Variants in SLC43A2 observed in about 807,000 individuals in gnomAD.
The protein encoded by SLC43A2 is solute carrier family 43 member 2, also known as large neutral amino acids transporter small subunit 4.
In SLC43A2, 38 loss-of-function variants were observed where a neutral mutation model predicts 63.2. The ratio of observed to expected loss-of-function variants is 0.60; its 90% CI spans 0.46 to 0.79. SLC43A2 has a LOEUF of 0.79. Among genes scored for constraint, SLC43A2 ranks in the 30% least tolerant of loss-of-function variants. The pLI is 0.00. For synonymous variants in SLC43A2, 322 were observed against 331.0 expected (o/e 0.97, Z 0.30); for missense variants, 644 against 756.2 (o/e 0.85, Z 1.74).
chr17:1,594,822 T>C (rs1905154618), intron 5 of SLC43A2, among the ~76,000 whole-genome samples: 1 of 151,480 alleles, frequency 6.6e-6, no homozygotes. Flanking sequence ...TCTCCTGACC[T>C]CGTGATCCGC....
At chr17:1,599,781 A>G (rs1254081830) in intron 5 of SLC43A2, among the ~76,000 whole-genome samples, 1 of 151,864 alleles carries the variant, frequency 6.6e-6, no homozygotes, top group African/African-American at 2.4e-5. Context: ...GCGGTGGCTC[A>G]CGCCTGTAAT....
intron 9 of SLC43A2, chr17:1,586,825 C>T (rs920942414): frequency 1.0e-6 from 1 of 993,704 alleles, no homozygotes; most frequent in East Asian, 3.0e-5. Flanking sequence ...CCCAGTTTTA[C>T]CCCCACGGCT....
intron 1 of SLC43A2, chr17:1,628,298 G>C (rs1169347339): frequency 2.5e-5 from 4 of 158,972 alleles, no homozygotes; most frequent in Non-Finnish European, 4.1e-5. Flanking sequence ...AGCGTGAGGT[G>C]GGCAGGGGCA....
rs2075966551 is a variant in SLC43A2 at position 1,578,494 on chromosome 17, G to A, written c.1351-171C>T. 4 of 555,866 alleles carry A rather than the reference G, an allele frequency of 7.2e-6. No homozygotes were observed. Among genetic ancestry groups the A allele is most frequent in the South Asian group, 2.4e-5 (1 of 41,696 alleles). 34.4% of individuals were successfully genotyped at this position (555,866 alleles called of 1,614,324 possible). On this transcript the variant is annotated intron_variant, in intron 11 of 13. Transcript: ENST00000301335. The surrounding 1 kb of genome is among the most constrained non-coding windows in gnomAD (Gnocchi z 6.5). ...TTTTCAGAAATTTTGCAAGCCAGTC[G>A]TTAACACAGTCATTTTTTGTTTGTT... is the stretch of plus-strand genomic sequence containing the variant.
chr17:1,593,418 CA>C lies in SLC43A2; in HGVS notation c.502-140del. On this transcript the variant is annotated intron_variant, in intron 5 of 13. Transcript: ENST00000301335. This position sits in a 1 kb window ranked among gnomAD's most constrained non-coding sequence, Gnocchi z 5.3. ...TGTGTGACTCACAGGGGCATTAGTTCAGGGGCAATGACCGCTCACTGAAGGT... is the reference window on the plus strand; with the variant it reads ...TGTGTGACTCACAGGGGCATTAGTTCGGGGCAATGACCGCTCACTGAAGGT... 1.3e-6 allele frequency: 1 copy of C among 749,784 alleles called. No homozygotes were observed. Among genetic ancestry groups the C allele is most frequent in the Non-Finnish European group, 2.3e-6 (1 of 440,504 alleles). 46.4% of individuals were successfully genotyped at this position (749,784 alleles called of 1,614,324 possible).
rs2076041760 is a variant in SLC43A2 at position 1,582,910 on chromosome 17, CT to C, written c.1350+293del. Among the ~76,000 whole-genome samples the C allele has an allele frequency of 3.3e-5, 5 of 152,284 alleles. No individual in the cohort carries two copies. In the East Asian group the frequency reaches 9.7e-4, roughly 29 times the overall value. On this transcript the variant is annotated intron_variant, in intron 11 of 13. Coordinates refer to ENST00000301335, the MANE Select transcript of SLC43A2 (RefSeq NM_152346.3). ...CCTGGCCAACATGGCAAAACCCCAT[CT>C]CTACTGAAAATACAAAAATTAGCTG...
Position 1,611,713 on chromosome 17 carries a change from CACG to C in SLC43A2, c.501+1479_501+1481del, listed in dbSNP as rs1298854858. Among the ~76,000 whole-genome samples the C allele has an allele frequency of 7.9e-5, 12 of 152,168 alleles. No homozygotes were observed. In the East Asian group the frequency reaches 2.1e-3, roughly 27 times the overall value. On this transcript the variant is annotated intron_variant, in intron 5 of 13. Transcript: ENST00000301335. ...AAGCTAAACAAGAACCCTTCAATGGCACGACAAGGGAAATCAGAAACCAGAGTG... is the reference window on the plus strand; with the variant it reads ...AAGCTAAACAAGAACCCTTCAATGGCACAAGGGAAATCAGAAACCAGAGTG...
At chr17:1,603,631 A>G in intron 5 of SLC43A2, among the ~76,000 whole-genome samples, 1 of 152,012 alleles carries the variant, frequency 6.6e-6, no homozygotes. Flanking sequence ...TAAAAATACA[A>G]AAAATTAGCC....
rs183174997 is a variant in SLC43A2, at chr17:1,593,390, T to A, written c.502-111A>T. On this transcript the variant is annotated intron_variant, in intron 5 of 13. Coordinates refer to ENST00000301335, the MANE Select transcript of SLC43A2 (RefSeq NM_152346.3). This position sits in a 1 kb window ranked among gnomAD's most constrained non-coding sequence, Gnocchi z 5.3. Reference sequence around the variant, plus strand: ...AGGCCCCTTCTTCACCTGCGCCCCTTCCTGTGTGACTCACAGGGGCATTAG... The same window carrying A: ...AGGCCCCTTCTTCACCTGCGCCCCTACCTGTGTGACTCACAGGGGCATTAG... 9.5e-6 allele frequency: 9 copies of A among 944,620 alleles called. No homozygotes were observed. The highest frequency in any genetic ancestry group is 2.8e-4 in the Middle Eastern group (1 of 3,540). 58.5% of individuals were successfully genotyped at this position (944,620 alleles called of 1,614,324 possible).
rs770403432 is a variant in SLC43A2 at position 1,585,956 on chromosome 17, A to G, written c.1174T>C (p.Cys392Arg). 2.5e-6 allele frequency: 4 copies of G among 1,612,968 alleles called. No individual in the cohort carries two copies. In the African/African-American group the frequency reaches 4.0e-5, roughly 16 times the overall value. ...TCGGGCTCCTCGGAGGCGTCTTCAC[A>G]CTCCTTCAGCCTCCAGTCCATGATG... is the stretch of plus-strand genomic sequence containing the variant. ...GYIMDWRLKE[C>R]EDASEEPEEK... Residue 392 changes from cysteine (C) to arginine (R), a missense_variant, in exon 10 of 14, where the codon TGT (cysteine) becomes CGT (arginine). Transcript: ENST00000301335.
At chr17:1,611,798 G>C (rs375281203) in intron 5 of SLC43A2, among the ~76,000 whole-genome samples, 2 of 152,120 alleles carry the variant, frequency 1.3e-5, no homozygotes, top group East Asian at 3.8e-4. Context: ...CCGGTAAACT[G>C]ATGCAGGCGA....
At chr17:1,594,657 G>A (rs181164880) in intron 5 of SLC43A2, among the ~76,000 whole-genome samples, 25 of 142,910 alleles carry the variant, frequency 1.7e-4, no homozygotes, top group Admixed American at 1.4e-3. Flanking sequence ...GCTCTATCTC[G>A]GCTCACTGCA....
intron 9 of SLC43A2, among the ~76,000 whole-genome samples, chr17:1,589,035 G>T (rs572657212): frequency 1.3e-5 from 2 of 152,366 alleles, no homozygotes; most frequent in Admixed American, 1.3e-4. Context: ...GCCGGAGCTA[G>T]GGCTATGGGT....
In SLC43A2 at chr17:1,570,110, G is replaced by C. The variant is rs2075824727; in HGVS notation, c.*5494C>G. 1 of 151,716 alleles carries C rather than the reference G, an allele frequency of 6.6e-6. No homozygotes were observed. Among genetic ancestry groups the C allele is most frequent in the Non-Finnish European group, 1.5e-5 (1 of 67,970 alleles). The allele number at this position is 151,716 out of a possible 1,614,324, so 9.4% of individuals were successfully genotyped here. On this transcript the variant is annotated 3_prime_UTR_variant, in exon 14 of 14. Coordinates refer to ENST00000301335, the MANE Select transcript of SLC43A2 (RefSeq NM_152346.3). ...GGGTTTCACTGTGTTAGCCACGTTG[G>C]TCTCGATCTCCTGACCTTGTGATCC...
At chr17:1,615,455 A>G (rs1037681315) in intron 3 of SLC43A2, among the ~76,000 whole-genome samples, 5 of 151,802 alleles carry the variant, frequency 3.3e-5, no homozygotes, top group African/African-American at 1.2e-4. Flanking sequence ...GCACATTAAG[A>G]ATGGCATAGG....
intron 9 of SLC43A2, among the ~76,000 whole-genome samples, chr17:1,586,682 G>A (rs901785683): frequency 2.6e-5 from 4 of 151,956 alleles, no homozygotes; most frequent in Non-Finnish European, 4.4e-5. Flanking sequence ...AACAGAGCAA[G>A]ACTCCATCTC....
intron 1 of SLC43A2, 148 bp from the exon 2 acceptor site, chr17:1,628,068 G>A (rs1314646224): frequency 1.3e-6 from 1 of 797,586 alleles, no homozygotes; most frequent in African/African-American, 1.8e-5. Context: ...GCGAACCCCA[G>A]CCCTGCCCGG....
Position 1,608,264 on chromosome 17 carries a change from C to A in SLC43A2, c.501+4931G>T, listed in dbSNP as rs184913225. Among the ~76,000 whole-genome samples, 28 of 152,302 alleles carry A rather than the reference C, an allele frequency of 1.8e-4. No homozygotes were observed. The East Asian group carries it at 3.7e-3, about 20-fold the overall frequency. On this transcript the variant is annotated intron_variant, in intron 5 of 13. Coordinates refer to ENST00000301335, the MANE Select transcript of SLC43A2 (RefSeq NM_152346.3). ...CCAACAGCCTCCCTTAGACAGACCT[C>A]TGGTAGCCAAACGCTTCAAATGGTG...
At chr17:1,581,982 A>T (rs1217238811) in intron 11 of SLC43A2, among the ~76,000 whole-genome samples, 4 of 140,272 alleles carry the variant, frequency 2.9e-5, no homozygotes, top group Non-Finnish European at 4.6e-5. Flanking sequence ...AATTTTTGTA[A>T]TTTTAGTAGA....
Sources: allele counts gnomAD v4.1 joint callset (sites outside exome capture counted in the v4.1 genomes callset), GRCh38; gene constraint gnomAD v4.1.1; non-coding constraint Gnocchi (gnomAD v3.1); transcripts MANE v1.5; gene names NCBI Gene and HGNC (gene_info 2026-07-23, HGNC 2026-07-21).